The following EPB41L4B variants were observed in gnomAD, a reference collection of about 807,000 sequenced individuals.
The protein encoded by EPB41L4B is erythrocyte membrane protein band 4.1 like 4B, also known as band 4.1-like protein 4B.
In EPB41L4B, 30 loss-of-function variants were observed where a neutral mutation model predicts 112.5. The ratio of observed to expected loss-of-function variants is 0.27; its 90% CI spans 0.20 to 0.36. EPB41L4B has a LOEUF of 0.36. Among genes scored for constraint, EPB41L4B ranks in the 10% least tolerant of loss-of-function variants. The pLI, the probability that EPB41L4B is intolerant of heterozygous loss-of-function variation, is 1.00. For synonymous variants in EPB41L4B, 408 were observed against 439.7 expected (o/e 0.93, Z 0.90); for missense variants, 1,024 against 1,133.3 (o/e 0.90, Z 1.38).
chr9:109,268,351 GA>G (rs200726578), intron 3 of EPB41L4B, 39 bp downstream of exon 3: 16 of 1,583,608 alleles, frequency 1.0e-5, no homozygotes, highest in African/African-American at 2.7e-5. Flanking sequence ...TTTACTCTCA[GA>G]AAAAAAATAA....
chr9:109,191,559 AT>A (rs1356791450), intron 22 of EPB41L4B, among the ~76,000 whole-genome samples: 1 of 152,204 alleles, frequency 6.6e-6, no homozygotes, highest in Non-Finnish European at 1.5e-5. Context: ...GGCATCTCCA[AT>A]TCCCTACCAG....
In EPB41L4B at chr9:109,279,881, T is replaced by C. The variant is rs761944997; in HGVS notation, c.347A>G (p.Tyr116Cys). 3.1e-6 allele frequency: 5 copies of C among 1,613,956 alleles called. No individual in the cohort carries two copies. In the Admixed American group the frequency reaches 5.0e-5, roughly 16 times the overall value. The change falls in exon 2 of 26, where the codon TAC becomes TGC. Residue 116 changes from tyrosine to cysteine, a missense_variant. Transcript: ENST00000374566. ...ATCTGTTTCCACAAGGTCCAAGTGG[T>C]ACACAATCTGATCAAACAAATCCTG... ...KGQDLFDQIV[Y>C]HLDLVETDYF... is the part of the protein sequence containing the mutation.
At chr9:109,193,444 G>C (rs1057014125) in intron 21 of EPB41L4B, among the ~76,000 whole-genome samples, 11 of 152,234 alleles carry the variant, frequency 7.2e-5, no homozygotes, top group Non-Finnish European at 1.3e-4. Flanking sequence ...ATTTTTAAGA[G>C]GAAGAAATTG....
At chr9:109,224,383 G>A (rs948831203) in intron 15 of EPB41L4B, among the ~76,000 whole-genome samples, 1 of 152,152 alleles carries the variant, frequency 6.6e-6, no homozygotes, top group Non-Finnish European at 1.5e-5. Flanking sequence ...TATTGAGCAG[G>A]CCATGATGTG....
chr9:109,274,928 C>A (rs1330029606), intron 2 of EPB41L4B, among the ~76,000 whole-genome samples: 1 of 152,220 alleles, frequency 6.6e-6, no homozygotes, highest in East Asian at 1.9e-4. Flanking sequence ...CAGCACTTAT[C>A]GTGATCAGGC....
intron 15 of EPB41L4B, chr9:109,240,946 G>A: frequency 1.0e-6 from 1 of 985,364 alleles, no homozygotes; most frequent in Non-Finnish European, 1.2e-6. Flanking sequence ...TAGTACGACT[G>A]CTTAAATTCA....
chr9:109,179,802 C>A lies in EPB41L4B; in HGVS notation c.2487+2927G>T, dbSNP rs147220422. Among the ~76,000 whole-genome samples, 610 of 152,270 alleles carry A rather than the reference C, an allele frequency of 4.0e-3. 5 individuals carry two copies. The highest frequency in any genetic ancestry group is 0.014 in the African/African-American group (587 of 41,540). Reference sequence around the variant, plus strand: ...TCCCTATCTGTGCACTTCTGTCCACCTCCACCAGCAAAACCACTGTGGGTC... The same window carrying A: ...TCCCTATCTGTGCACTTCTGTCCACATCCACCAGCAAAACCACTGTGGGTC... On this transcript the variant is annotated intron_variant, in intron 24 of 25. Transcript: ENST00000374566.
chr9:109,181,350 A>G (rs570616930), intron 24 of EPB41L4B, among the ~76,000 whole-genome samples: 9 of 152,286 alleles, frequency 5.9e-5, no homozygotes, highest in African/African-American at 2.2e-4. Flanking sequence ...GGTGGTGACA[A>G]GAAGTCTGTT....
At position 109,184,250 on chromosome 9, in the gene EPB41L4B, C is replaced by T. The variant is rs140195361; in HGVS notation, c.2418+1239G>A. Among the ~76,000 whole-genome samples the T allele has an allele frequency of 4.4e-3, 664 of 152,312 alleles. 5 individuals carry two copies. Among genetic ancestry groups the T allele is most frequent in the African/African-American group, 0.015 (633 of 41,568 alleles). Reference sequence around the variant, plus strand: ...TTATTTATTTTTTGAGACGGAGTCTCACTCTGTCACCCAGGCTGGAGTGCA... The same window carrying T: ...TTATTTATTTTTTGAGACGGAGTCTTACTCTGTCACCCAGGCTGGAGTGCA... On this transcript the variant is annotated intron_variant, in intron 23 of 25. Transcript: ENST00000374566.
intron 1 of EPB41L4B, among the ~76,000 whole-genome samples, chr9:109,318,214 G>A (rs935475761): frequency 6.6e-6 from 1 of 151,946 alleles, no homozygotes; most frequent in East Asian, 1.9e-4. Flanking sequence ...GCTTCACTAA[G>A]TCACATCATA....
intron 15 of EPB41L4B, among the ~76,000 whole-genome samples, chr9:109,223,491 C>T (rs1588148173): frequency 1.3e-5 from 2 of 151,872 alleles, no homozygotes; most frequent in Non-Finnish European, 2.9e-5. Flanking sequence ...TGGAATCCAC[C>T]ACCAGAATTG....
intron 1 of EPB41L4B, among the ~76,000 whole-genome samples, chr9:109,317,178 A>G (rs1349741933): frequency 6.6e-6 from 1 of 152,192 alleles, no homozygotes; most frequent in Non-Finnish European, 1.5e-5. Flanking sequence ...GGGGGCTCCA[A>G]GCCCTGTCAG....
chr9:109,237,122 C>T (rs78629589), intron 15 of EPB41L4B, among the ~76,000 whole-genome samples: 1 of 152,162 alleles, frequency 6.6e-6, no homozygotes, highest in African/African-American at 2.4e-5. Flanking sequence ...AGGCTGGAGT[C>T]GCTGACCTGG....
chr9:109,252,768 C>A (rs1481590622), intron 12 of EPB41L4B, among the ~76,000 whole-genome samples: 1 of 152,102 alleles, frequency 6.6e-6, no homozygotes, highest in African/African-American at 2.4e-5. Flanking sequence ...GGGGAGCAAC[C>A]TAGTGTAGAG....
chr9:109,258,226 G>A lies in EPB41L4B; in HGVS notation c.703C>T (p.Gln235Ter), dbSNP rs749979867. 1 of 1,614,050 alleles carries A rather than the reference G, an allele frequency of 6.2e-7. No homozygotes were observed. Among genetic ancestry groups the A allele is most frequent in the Admixed American group, 1.7e-5 (1 of 60,026 alleles). The change falls in exon 7 of 26, where the codon CAG (glutamine) becomes TAG (stop). Residue 235 changes from glutamine to a stop codon, truncating the protein, a stop_gained. Transcript: ENST00000374566. LOFTEE classifies it high-confidence loss of function. Reference sequence around the variant, plus strand: ...ATATCAAATTCCATTGCTTCTGTCTGATTTGGAATGAACCGAAACTCAGAC... The same window carrying A: ...ATATCAAATTCCATTGCTTCTGTCTAATTTGGAATGAACCGAAACTCAGAC... The part of the protein sequence containing the change: ...LVSEFRFIPN[Q>*]TEAMEFDIFQ...
At chr9:109,217,208 T>A in intron 15 of EPB41L4B, 63 bp from the exon 16 acceptor site, 1 of 1,488,364 alleles carries the variant, frequency 6.7e-7, no homozygotes, top group South Asian at 1.1e-5. Flanking sequence ...CTCTGTGTAC[T>A]TTCAAAGACG....
chr9:109,287,486 T>C (rs1290811163), intron 1 of EPB41L4B, among the ~76,000 whole-genome samples: 1 of 152,178 alleles, frequency 6.6e-6, no homozygotes. Flanking sequence ...AAATAAGCTG[T>C]ATGTGAGCGT....
intron 2 of EPB41L4B, among the ~76,000 whole-genome samples, chr9:109,278,620 T>C (rs891695418): frequency 1.3e-5 from 2 of 152,144 alleles, no homozygotes; most frequent in South Asian, 2.1e-4. Context: ...TCAAACATCC[T>C]GATCAGGGAA....
intron 14 of EPB41L4B, 128 bp from the exon 15 acceptor site, chr9:109,243,810 G>A (rs1834440972): frequency 3.6e-6 from 3 of 838,062 alleles, no homozygotes; most frequent in Non-Finnish European, 5.7e-6. Context: ...TATAGACCCT[G>A]GCTAGGGGGT....
Sources: allele counts gnomAD v4.1 joint callset (sites outside exome capture counted in the v4.1 genomes callset), GRCh38; gene constraint gnomAD v4.1.1; transcripts MANE v1.5; gene names NCBI Gene and HGNC (gene_info 2026-07-23, HGNC 2026-07-21).